NTRK1: variants seen among roughly 807,000 people sequenced by gnomAD.
The protein encoded by NTRK1 is high affinity nerve growth factor receptor.
In NTRK1, 62 loss-of-function variants were observed where a neutral mutation model predicts 86.8. That is an observed-to-expected ratio of 0.71 (90% CI 0.58 to 0.88). The LOEUF (loss-of-function observed/expected upper bound fraction) is 0.88. Among genes scored for constraint, NTRK1 ranks in the 40% least tolerant of loss-of-function variants. NTRK1 has a pLI of 0.00. For synonymous variants in NTRK1, 469 were observed against 456.6 expected, an observed-to-expected ratio of 1.03 and a Z score of -0.35; for missense variants, 967 against 1,078.4, an observed-to-expected ratio of 0.90 and a Z score of 1.45.
At chr1:156,880,613 G>A (rs1274670023) in intron 16 of NTRK1, 2 of 169,214 alleles carry the variant, frequency 1.2e-5, no homozygotes, top group Non-Finnish European at 2.5e-5. Flanking sequence ...GCAGGCCCCA[G>A]GTGTTCTGTC....
intron 2 of NTRK1, chr1:156,851,384 T>C: frequency 6.2e-7 from 1 of 1,614,084 alleles, no homozygotes; most frequent in Non-Finnish European, 8.5e-7. Context: ...AGGAAGCCAG[T>C]AATGGTTTCT....
At chr1:156,847,480 A>G (rs954398198) in intron 2 of NTRK1, among the ~76,000 whole-genome samples, 3 of 152,180 alleles carry the variant, frequency 2.0e-5, no homozygotes, top group Non-Finnish European at 4.4e-5. Flanking sequence ...CATGGGAGAC[A>G]ATGGAACATC....
intron 4 of NTRK1, 58 bp from the exon 5 acceptor site, chr1:156,868,045 TC>T: frequency 6.2e-7 from 1 of 1,601,698 alleles, no homozygotes; most frequent in South Asian, 1.1e-5. Flanking sequence ...CTCCCTCTTA[TC>T]CCCTGTGATC....
Position 156,870,588 on chromosome 1 carries a change from G to C in NTRK1, c.718-1035G>C, listed in dbSNP as rs193066006. On this transcript the variant is annotated intron_variant, in intron 6 of 16. Coordinates refer to ENST00000524377, the MANE Select transcript of NTRK1 (RefSeq NM_002529.4). ...CTGGAACCCAGAGCTTGCACAAAAG[G>C]CTGGAAACTCTACTGGAACCTTTGA... Among the ~76,000 whole-genome samples the C allele has an allele frequency of 3.4e-3, 522 of 152,294 alleles. 5 individuals carry two copies. Among genetic ancestry groups the C allele is most frequent in the African/African-American group, 0.012 (485 of 41,542 alleles).
At chr1:156,858,905 C>T (rs2102875777), upstream of NTRK1, 2 of 451,132 alleles carry the variant, frequency 4.4e-6, no homozygotes, top group East Asian at 7.4e-5. Flanking sequence ...GAGTCTCGGG[C>T]CTCCAGAGGG....
In NTRK1 at chr1:156,868,560, C is replaced by T. The variant is rs147882947; in HGVS notation, c.630C>T (p.Asp210=). The part of the protein sequence containing the change: ...VPNASVDVGD[D]VLLRCQVEGR... The stretch of plus-strand genomic sequence containing the variant: ...ATGCCTCGGTGGATGTGGGGGACGA[C>T]GTGCTGCTGCGGTGCCAGGTGGAGG... Residue 210 remains aspartate, a synonymous_variant, in exon 6 of 17, where the codon GAC becomes GAT. Coordinates refer to ENST00000524377, the MANE Select transcript of NTRK1 (RefSeq NM_002529.4). 2.9e-4 allele frequency: 458 copies of T among 1,555,610 alleles called. No individual in the cohort carries two copies. Among genetic ancestry groups the T allele is most frequent in the Non-Finnish European group, 3.7e-4 (429 of 1,149,366 alleles).
In NTRK1 at chr1:156,854,333, G is replaced by A. The variant is rs1182299943; in HGVS notation, c.51-10021G>A. 1.9e-6 allele frequency: 3 copies of A among 1,568,616 alleles called. No individual in the cohort carries two copies. The highest frequency in any genetic ancestry group is 2.6e-6 in the Non-Finnish European group (3 of 1,157,842). On this transcript the variant is annotated intron_variant, in intron 2 of 16. Transcript: ENST00000392302. This position sits in a 1 kb window ranked among gnomAD's most constrained non-coding sequence, Gnocchi z 4.2. ...GGGCATACACGGCACGCAGCATTGA[G>A]TACAGCCCAGGCCAAATTCCCCATC...
intron 2 of NTRK1, chr1:156,845,889 C>A: frequency 6.3e-7 from 1 of 1,598,336 alleles, no homozygotes; most frequent in Admixed American, 1.7e-5. Flanking sequence ...TGCCGGGGCC[C>A]TGCGCCTCCA....
intron 2 of NTRK1, chr1:156,851,852 T>G (rs754458450): frequency 6.3e-7 from 1 of 1,575,886 alleles, no homozygotes; most frequent in Non-Finnish European, 8.6e-7. Flanking sequence ...GCCTCCTCAC[T>G]GCTCCCAGGG....
At chr1:156,868,397 G>A (rs1647303269) in intron 5 of NTRK1, 108 bp from the exon 6 acceptor site, 15 of 1,537,452 alleles carry the variant, frequency 9.8e-6, no homozygotes, top group Non-Finnish European at 1.1e-5. Flanking sequence ...ACATCGCCTG[G>A]GCTCCAGGTC....
At chr1:156,869,313 C>T (rs781101470) in intron 6 of NTRK1, among the ~76,000 whole-genome samples, 2 of 152,070 alleles carry the variant, frequency 1.3e-5, no homozygotes, top group Admixed American at 6.6e-5. Context: ...CTCCTGACCT[C>T]GTGATCCACC....
At chr1:156,864,924 T>A in intron 3 of NTRK1, 125 bp downstream of exon 3, 1 of 928,320 alleles carries the variant, frequency 1.1e-6, no homozygotes, top group Non-Finnish European at 1.7e-6. Context: ...GGAAGTCACC[T>A]CACCATTCTC....
intron 1 of NTRK1, among the ~76,000 whole-genome samples, chr1:156,822,059 C>T (rs188052265): frequency 6.6e-6 from 1 of 152,254 alleles, no homozygotes; most frequent in East Asian, 1.9e-4. Flanking sequence ...CAAAAAAGGG[C>T]TCTGATAGAG....
upstream of NTRK1, among the ~76,000 whole-genome samples, chr1:156,860,349 C>G (rs565315747): frequency 3.6e-3 from 543 of 152,376 alleles, 4 homozygotes; most frequent in South Asian, 0.012. Flanking sequence ...TTCTCTGCCC[C>G]GTCTGTGTCT....
At chr1:156,838,843 C>T (rs145223002) in intron 1 of NTRK1, among the ~76,000 whole-genome samples, 72 of 152,332 alleles carry the variant, frequency 4.7e-4, no homozygotes, top group African/African-American at 1.7e-3. Context: ...GGTTAGGGGG[C>T]ATAGGTAGTG....
At chr1:156,857,618 TC>T (rs1248255324), upstream of NTRK1, among the ~76,000 whole-genome samples, 3 of 152,064 alleles carry the variant, frequency 2.0e-5, no homozygotes, top group African/African-American at 7.2e-5. Context: ...AGACAGAGGA[TC>T]TGTGACTAGC....
chr1:156,873,018 A>AGTGTGTGTGTGTGTGTGTGTGT (rs55870362), intron 7 of NTRK1, among the ~76,000 whole-genome samples: 1 of 130,954 alleles, frequency 7.6e-6, no homozygotes, highest in Non-Finnish European at 1.6e-5. Flanking sequence ...TTTCAAAAAG[A>AGTGTGTGTGTGTGTGTGTGTGT]GTGTGTGTGT....
intron 2 of NTRK1, chr1:156,851,689 G>T (rs1032350478): frequency 1.9e-6 from 3 of 1,614,066 alleles, no homozygotes; most frequent in Non-Finnish European, 2.5e-6. Flanking sequence ...CCACATGCGT[G>T]CAGCCCACAA....
chr1:156,824,974 C>G (rs1480835204), intron 1 of NTRK1, among the ~76,000 whole-genome samples: 1 of 152,212 alleles, frequency 6.6e-6, no homozygotes. Context: ...ACTGCAACCT[C>G]CGCCTCCCAG....
Sources: allele counts gnomAD v4.1 joint callset (sites outside exome capture counted in the v4.1 genomes callset), GRCh38; gene constraint gnomAD v4.1.1; non-coding constraint Gnocchi (gnomAD v3.1); transcripts MANE v1.5; gene names NCBI Gene and HGNC (gene_info 2026-07-23, HGNC 2026-07-21).